Variants in GADL1 observed in about 807,000 individuals in gnomAD.
GADL1 encodes GAD like acidic amino acid decarboxylase 1, also known as acidic amino acid decarboxylase GADL1.
A neutral mutation model predicts 69.5 loss-of-function variants in GADL1; 71 were observed. The observed-to-expected ratio is 1.02, with a 90% CI of 0.84 to 1.25. The LOEUF is 1.25. GADL1 is among the 50% of genes most tolerant of loss of function. The probability of loss-of-function intolerance (pLI) is 0.00; values close to 1 mark genes in which losing one functional copy is unlikely to be tolerated. For synonymous variants in GADL1, 254 were observed against 214.4 expected (o/e 1.18, Z -1.62); for missense variants, 737 against 631.8 (o/e 1.17, Z -1.79).
rs1559361016 is a variant in GADL1, at chr3:30,850,909, A to G, written c.461T>C (p.Leu154Ser). ...TTTCTTCAGAACCGCTTCTTCCACT[A>G]ACAGAAACACTGGGGACACCTCATA... ...YTYEVSPVFL[L>S]VEEAVLKKMI... Residue 154 changes from leucine to serine, a missense_variant, in exon 5 of 15, where the codon TTA becomes TCA. Coordinates refer to ENST00000282538, the MANE Select transcript of GADL1 (RefSeq NM_207359.3). 1.9e-6 allele frequency: 3 copies of G among 1,549,484 alleles called. No homozygotes were observed. Among genetic ancestry groups the G allele is most frequent in the Non-Finnish European group, 2.6e-6 (3 of 1,145,122 alleles).
chr3:30,821,409 CT>C, intron 11 of GADL1, among the ~76,000 whole-genome samples: 1 of 151,682 alleles, frequency 6.6e-6, no homozygotes, highest in East Asian at 1.9e-4. Flanking sequence ...TTTTTTTTCT[CT>C]TTTTTTATAC....
At chr3:30,859,810 T>A (rs1232677137) in intron 2 of GADL1, among the ~76,000 whole-genome samples, 1 of 151,888 alleles carries the variant, frequency 6.6e-6, no homozygotes, top group Non-Finnish European at 1.5e-5. Flanking sequence ...GTTAGTGGTA[T>A]CAAAACTTCA....
rs1461629831 is a variant in GADL1 at position 30,800,998 on chromosome 3, A to C, written c.1141T>G (p.Ser381Ala). The C allele has an allele frequency of 6.2e-7, 1 of 1,614,018 alleles. No homozygotes were observed. The highest frequency in any genetic ancestry group is 8.5e-7 in the Non-Finnish European group (1 of 1,179,930). Reference protein sequence around the residue: ...YDVSYDTGDKSIQCSRRPDAF... With the variant: ...YDVSYDTGDKAIQCSRRPDAF... ...TCTGGTCTTCTGCTACACTGGATAG[A>C]CTTGTCTCCTGTGTCATAGCTCACA... is the stretch of plus-strand genomic sequence containing the variant. The change falls in exon 12 of 15, where the codon TCT becomes GCT. Residue 381 changes from serine to alanine, a missense_variant. Ser to Ala is a moderately conservative substitution (Grantham distance 99, BLOSUM62 1). Coordinates refer to ENST00000282538, the MANE Select transcript of GADL1 (RefSeq NM_207359.3).
chr3:30,760,749 A>C (rs1696106249), intron 14 of GADL1, among the ~76,000 whole-genome samples: 1 of 152,166 alleles, frequency 6.6e-6, no homozygotes. Context: ...TGGTTATGTG[A>C]CTTGGCCCTG....
chr3:30,733,586 C>CCTTCCTTCCTTCCT (rs1213948085), intron 14 of GADL1, among the ~76,000 whole-genome samples: 1 of 133,504 alleles, frequency 7.5e-6, no homozygotes, highest in African/African-American at 2.8e-5. Context: ...TTTTCCTTTT[C>CCTTCCTTCCTTCCT]TCCTTCCTTC....
Position 30,816,530 on chromosome 3 carries a change from C to CTTTTTTTTTTTTTTTTTTTTTTTTT in GADL1, c.1051-15467_1051-15443dup, listed in dbSNP as rs773530741. On this transcript the variant is annotated intron_variant, in intron 11 of 14. Coordinates refer to ENST00000282538, the MANE Select transcript of GADL1 (RefSeq NM_207359.3). ...AGACCATATATTCTTAATTTGTTTT[C>CTTTTTTTTTTTTTTTTTTTTTTTTT]TTTTTTTTTTTTTTTTTTTTTTTTT... Among the ~76,000 whole-genome samples, 17 of 53,988 alleles carry CTTTTTTTTTTTTTTTTTTTTTTTTT rather than the reference C, an allele frequency of 3.1e-4. 4 individuals carry two copies. The highest frequency in any genetic ancestry group is 2.4e-3 in the East Asian group (4 of 1,666). The allele number at this position is 53,988 out of a possible 152,430, so 35.4% of individuals were successfully genotyped here.
intron 14 of GADL1, among the ~76,000 whole-genome samples, chr3:30,759,838 A>G (rs906210839): frequency 2.0e-5 from 3 of 152,154 alleles, no homozygotes; most frequent in Non-Finnish European, 2.9e-5. Context: ...TATGAGATTC[A>G]CTATGGCCAA....
In GADL1 at chr3:30,847,049, A is replaced by G. The variant is rs560635458; in HGVS notation, c.652-2583T>C. ...ATAATTACTGCTTTATGCTAATTCC[A>G]GAAGTGATCTGAAATATACAGGAAC... On this transcript the variant is annotated intron_variant, in intron 6 of 14. Transcript: ENST00000282538. 5.3e-5 allele frequency among the ~76,000 whole-genome samples: 8 copies of G among 152,308 alleles called. No homozygotes were observed. The South Asian group carries it at 1.7e-3, about 32-fold the overall frequency.
intron 14 of GADL1, among the ~76,000 whole-genome samples, chr3:30,766,543 T>C (rs1049152249): frequency 2.1e-5 from 3 of 144,098 alleles, no homozygotes; most frequent in Non-Finnish European, 3.0e-5. Context: ...ATCCATAACA[T>C]ATCATTACTG....
chr3:30,845,943 A>C (rs1361989112), intron 6 of GADL1, among the ~76,000 whole-genome samples: 4 of 152,192 alleles, frequency 2.6e-5, no homozygotes, highest in Non-Finnish European at 5.9e-5. Flanking sequence ...AAATATCTCC[A>C]ACCAATGAAT....
intron 1 of GADL1, among the ~76,000 whole-genome samples, chr3:30,874,832 G>A (rs7634147): frequency 0.048 from 7,268 of 151,960 alleles, 408 homozygotes; most frequent in East Asian, 0.21. Context: ...AAAAAAACCT[G>A]CTTGAAGGGT....
chr3:30,773,871 C>G (rs1696476203), intron 14 of GADL1, among the ~76,000 whole-genome samples: 1 of 151,966 alleles, frequency 6.6e-6, no homozygotes. Context: ...ACAAAATTTA[C>G]CCATGAATAG....
intron 14 of GADL1, among the ~76,000 whole-genome samples, chr3:30,768,033 AT>A (rs1696324347): frequency 3.4e-5 from 1 of 29,116 alleles, no homozygotes; most frequent in Non-Finnish European, 6.6e-5. Context: ...ATAACTCCCC[AT>A]ACCCCCCCCC....
intron 2 of GADL1, among the ~76,000 whole-genome samples, chr3:30,860,574 C>CT (rs1698305625): frequency 6.6e-6 from 1 of 151,988 alleles, no homozygotes; most frequent in Non-Finnish European, 1.5e-5. Context: ...ATGCATCAAT[C>CT]TATTTTCCTA....
intron 12 of GADL1, among the ~76,000 whole-genome samples, chr3:30,791,622 T>C (rs866907310): frequency 2.0e-5 from 3 of 152,136 alleles, no homozygotes; most frequent in African/African-American, 7.2e-5. Flanking sequence ...CTGTTAAAAC[T>C]CTTTTTGCTA....
rs149230313 is a variant in GADL1, at chr3:30,834,298, A to C, written c.904-17T>G. On this transcript the variant is annotated splice_polypyrimidine_tract_variant and intron_variant, in intron 9 of 14. Transcript: ENST00000282538. ...CCAAGAAGCCTGTTGAGATATTTAC[A>C]GTACCAGAACAATGTTATTTCAATG... The C allele has an allele frequency of 2.1e-3, 3,373 of 1,605,780 alleles. 7 individuals are homozygous for C. Among genetic ancestry groups the C allele is most frequent in the Non-Finnish European group, 2.6e-3 (3,083 of 1,172,914 alleles).
chr3:30,850,797 G>A (rs1698135190), intron 5 of GADL1, 38 bp downstream of exon 5: 1 of 1,189,334 alleles, frequency 8.4e-7, no homozygotes. Flanking sequence ...TTACGTGGTT[G>A]TATTGGAAGG....
chr3:30,816,241 C>G (rs1377117227), intron 11 of GADL1, among the ~76,000 whole-genome samples: 1 of 151,940 alleles, frequency 6.6e-6, no homozygotes, highest in Non-Finnish European at 1.5e-5. Context: ...AGAAAGGCCC[C>G]CTGGAAGAGT....
At chr3:30,768,854 C>T (rs1056537241) in intron 14 of GADL1, among the ~76,000 whole-genome samples, 2 of 152,100 alleles carry the variant, frequency 1.3e-5, no homozygotes, top group Admixed American at 6.6e-5. Context: ...TTGTTCACTC[C>T]GCATTTAGTG....
Sources: gnomAD v4.1 joint callset for allele counts (sites outside exome capture counted in the v4.1 genomes callset) on GRCh38, gnomAD v4.1.1 for gene constraint, MANE v1.5 for transcripts, NCBI Gene and HGNC (gene_info 2026-07-23, HGNC 2026-07-21) for gene names.